The following CCSER1 variants were observed in gnomAD, a reference collection of about 807,000 sequenced individuals.
CCSER1 encodes coiled-coil serine rich protein 1.
A neutral mutation model predicts 82.0 loss-of-function variants in CCSER1; 41 were observed. The observed-to-expected ratio is 0.50, with a 90% CI of 0.39 to 0.65. The LOEUF is 0.65. CCSER1 is among the 30% of genes least tolerant of loss of function. CCSER1 has a pLI of 0.00. For synonymous variants in CCSER1, 414 were observed against 383.9 expected, an observed-to-expected ratio of 1.08 and a Z score of -0.92; for missense variants, 1,119 against 1,064.2, an observed-to-expected ratio of 1.05 and a Z score of -0.72.
rs146223465 is a variant in CCSER1, at chr4:91,186,667, A to G, written c.2217+100673A>G. ...CAAACAGAGATTTACCCACATATTT[A>G]TTAACAACAAACCAGTCATTAGCAT... On this transcript the variant is annotated intron_variant, in intron 10 of 10. Transcript: ENST00000509176. Among the ~76,000 whole-genome samples the G allele has an allele frequency of 6.0e-3, 912 of 152,372 alleles. 7 individuals are homozygous for G. Among genetic ancestry groups the G allele is most frequent in the African/African-American group, 0.021 (855 of 41,590 alleles).
chr4:91,542,356 T>C (rs1761648581), intron 10 of CCSER1, among the ~76,000 whole-genome samples: 1 of 152,114 alleles, frequency 6.6e-6, no homozygotes, highest in South Asian at 2.1e-4. Flanking sequence ...GTTTTTATGG[T>C]TTTAGGTCTA....
chr4:91,286,043 GT>G (rs201671185), intron 10 of CCSER1, among the ~76,000 whole-genome samples: 22 of 145,978 alleles, frequency 1.5e-4, no homozygotes, highest in Non-Finnish European at 2.4e-4. Context: ...TTAAAGTTTA[GT>G]TTTTTTTTTA....
At chr4:91,220,650 T>C (rs374755420) in intron 10 of CCSER1, among the ~76,000 whole-genome samples, 202 of 152,294 alleles carry the variant, frequency 1.3e-3, no homozygotes, top group African/African-American at 4.7e-3. Context: ...TAGCAGTGTC[T>C]TTCTCTTTTT....
chr4:90,505,947 T>TC (rs1224081972), intron 5 of CCSER1, among the ~76,000 whole-genome samples: 2 of 152,186 alleles, frequency 1.3e-5, no homozygotes, highest in Non-Finnish European at 2.9e-5. Context: ...GTAAAATTTC[T>TC]CCCCCTCTCT....
At chr4:90,492,931 A>G (rs1768299940) in intron 5 of CCSER1, among the ~76,000 whole-genome samples, 1 of 151,870 alleles carries the variant, frequency 6.6e-6, no homozygotes, top group South Asian at 2.1e-4. Context: ...GGAGTGCTTT[A>G]CTTCCAACTA....
At chr4:90,893,542 C>A (rs1327649795) in intron 8 of CCSER1, among the ~76,000 whole-genome samples, 1 of 152,052 alleles carries the variant, frequency 6.6e-6, no homozygotes, top group Non-Finnish European at 1.5e-5. Context: ...TTTAAACTGT[C>A]CTTCCGATGC....
In CCSER1 at chr4:90,681,686, G is replaced by A. The variant is rs1304052904; in HGVS notation, c.1933-42228G>A. On this transcript the variant is annotated intron_variant, in intron 6 of 10. Coordinates refer to ENST00000509176, the MANE Select transcript of CCSER1 (RefSeq NM_001145065.2). ...CTCAGATGGAAATGCAGAAATCACC[G>A]TCTTCTGCGTCGCTCACGCTGGGAG... 8.1e-5 allele frequency among the ~76,000 whole-genome samples: 7 copies of A among 86,794 alleles called. 2 individuals are homozygous for A. Among genetic ancestry groups the A allele is most frequent in the Admixed American group, 4.0e-4 (3 of 7,456 alleles). 56.9% of individuals were successfully genotyped at this position (86,794 alleles called of 152,430 possible). A position where few individuals can be genotyped will look rare whatever the true frequency, so the allele number is the denominator to read the frequency against.
chr4:91,297,385 ATGTG>A (rs57164334), intron 10 of CCSER1, among the ~76,000 whole-genome samples: 5,409 of 117,914 alleles, frequency 0.046, 106 homozygotes, highest in African/African-American at 0.064. Context: ...GTGTGTGTGT[ATGTG>A]TGTGTGTGTG....
At chr4:91,421,735 G>A (rs1317156) in intron 10 of CCSER1, among the ~76,000 whole-genome samples, 99,143 of 151,368 alleles carry the variant, frequency 0.65, 32,989 homozygotes, top group East Asian at 0.81. Context: ...TCAAATGGCC[G>A]CACTGTACAC....
At chr4:91,401,178 T>G (rs1043433505) in intron 10 of CCSER1, among the ~76,000 whole-genome samples, 2 of 151,536 alleles carry the variant, frequency 1.3e-5, no homozygotes, top group East Asian at 3.9e-4. Flanking sequence ...TTTTTGACTT[T>G]CAGCCATTAA....
At chr4:90,161,360 C>T (rs1232471031) in intron 1 of CCSER1, among the ~76,000 whole-genome samples, 1 of 152,132 alleles carries the variant, frequency 6.6e-6, no homozygotes, top group African/African-American at 2.4e-5. Context: ...TTATTATTCT[C>T]ACCTGCCATA....
At chr4:91,105,130 T>A (rs2148859970) in intron 10 of CCSER1, among the ~76,000 whole-genome samples, 1 of 151,666 alleles carries the variant, frequency 6.6e-6, no homozygotes, top group African/African-American at 2.4e-5. Context: ...CCCACTTATA[T>A]GATAGAACAT....
chr4:90,918,749 A>G (rs1727913836), intron 8 of CCSER1, among the ~76,000 whole-genome samples: 1 of 129,214 alleles, frequency 7.7e-6, no homozygotes, highest in Non-Finnish European at 1.6e-5. Flanking sequence ...ATGAATATCC[A>G]GTGTGTAAAA....
At chr4:90,811,721 AAG>A (rs1159508179) in intron 7 of CCSER1, among the ~76,000 whole-genome samples, 1 of 152,066 alleles carries the variant, frequency 6.6e-6, no homozygotes, top group Non-Finnish European at 1.5e-5. Context: ...GTGAAGTCTT[AAG>A]GTGGCGGAAG....
chr4:91,005,652 A>G (rs1236750457), intron 9 of CCSER1, among the ~76,000 whole-genome samples: 6 of 152,200 alleles, frequency 3.9e-5, no homozygotes, highest in African/African-American at 1.2e-4. Context: ...TCTAGATTTC[A>G]TCTTGCATAA....
chr4:90,851,535 T>A (rs1313387616), intron 8 of CCSER1, among the ~76,000 whole-genome samples: 1 of 151,584 alleles, frequency 6.6e-6, no homozygotes, highest in Admixed American at 6.6e-5. Flanking sequence ...CCTTGGAGAC[T>A]ATGCACTTGA....
rs191120052 is a variant in CCSER1 at position 90,845,940 on chromosome 4, G to T, written c.2094+30095G>T. On this transcript the variant is annotated intron_variant, in intron 8 of 10. Coordinates refer to ENST00000509176, the MANE Select transcript of CCSER1 (RefSeq NM_001145065.2). ...ACTATACAAATGCTGAGTCATTAGT[G>T]TCATAGTGCTGTGTCTATTTATAGA... is the stretch of plus-strand genomic sequence containing the variant. Among the ~76,000 whole-genome samples, 214 of 151,808 alleles carry T rather than the reference G, an allele frequency of 1.4e-3. 2 individuals carry two copies. The highest frequency in any genetic ancestry group is 0.013 in the Admixed American group (195 of 15,220).
At chr4:91,079,652 G>A (rs1349793704) in intron 9 of CCSER1, among the ~76,000 whole-genome samples, 2 of 152,204 alleles carry the variant, frequency 1.3e-5, no homozygotes, top group Non-Finnish European at 2.9e-5. Context: ...GGACCCATCA[G>A]TGTGCTGAAT....
intron 7 of CCSER1, among the ~76,000 whole-genome samples, chr4:90,811,619 A>G (rs1758297273): frequency 6.6e-6 from 1 of 152,130 alleles, no homozygotes; most frequent in African/African-American, 2.4e-5. Flanking sequence ...TTGGTTCCAG[A>G]TTTGGTTCAA....
Sources: allele counts gnomAD v4.1 joint callset (sites outside exome capture counted in the v4.1 genomes callset), GRCh38; gene constraint gnomAD v4.1.1; transcripts MANE v1.5; gene names NCBI Gene and HGNC (gene_info 2026-07-23, HGNC 2026-07-21).